The following ZNF236 variants were observed in gnomAD, a reference collection of about 807,000 sequenced individuals.
ZNF236 encodes the protein regulated by glucose.
Under a neutral mutation model 191.2 loss-of-function variants are expected in ZNF236, and 50 were observed. That is an observed-to-expected ratio of 0.26 (90% CI 0.21 to 0.33). The LOEUF (loss-of-function observed/expected upper bound fraction) is 0.33, where lower values mean the gene tolerates loss of function less well. Ranked by LOEUF, ZNF236 falls within the 10% of genes least tolerant of loss-of-function variation. ZNF236 has a pLI of 1.00. For synonymous variants in ZNF236, 907 were observed against 928.8 expected (o/e 0.98, Z 0.43); for missense variants, 1,754 against 2,374.5 (o/e 0.74, Z 5.43).
At chr18:76,840,209 G>T (rs1424245067) in intron 1 of ZNF236, among the ~76,000 whole-genome samples, 1 of 152,128 alleles carries the variant, frequency 6.6e-6, no homozygotes, top group East Asian at 1.9e-4. Flanking sequence ...AAATGAGGGA[G>T]ACCGGCCGGG....
chr18:76,861,907 C>T (rs1976243091), intron 3 of ZNF236, among the ~76,000 whole-genome samples: 1 of 152,170 alleles, frequency 6.6e-6, no homozygotes, highest in Non-Finnish European at 1.5e-5. Flanking sequence ...TCTTGTCGCC[C>T]GGGCTGGAGT....
chr18:76,951,819 G>T lies in ZNF236; in HGVS notation c.4915-4166G>T, dbSNP rs1010063915. Among the ~76,000 whole-genome samples the T allele has an allele frequency of 5.3e-5, 8 of 152,200 alleles. 1 individual carries two copies. The highest frequency in any genetic ancestry group is 1.9e-4 in the African/African-American group (8 of 41,452). ...ATTTCTAGGTTTTGAAGTGAGGGAT[G>T]TGTGACTCTTCGTTTCACTTGAACA... On this transcript the variant is annotated intron_variant, in intron 27 of 30. Coordinates refer to ENST00000320610, the MANE Select transcript of ZNF236 (RefSeq NM_001306089.2).
At chr18:76,845,078 CTAT>C (rs1461250695) in intron 1 of ZNF236, among the ~76,000 whole-genome samples, 1 of 152,130 alleles carries the variant, frequency 6.6e-6, no homozygotes, top group Admixed American at 6.6e-5. Context: ...TGGTAAACAG[CTAT>C]TATTCTATTT....
In ZNF236 at chr18:76,919,262, G is replaced by A. The variant is rs1190644380; in HGVS notation, c.3275-514G>A. Among the ~76,000 whole-genome samples, 4 of 152,246 alleles carry A rather than the reference G, an allele frequency of 2.6e-5. No individual in the cohort carries two copies. The East Asian group carries it at 7.7e-4, about 29-fold the overall frequency. On this transcript the variant is annotated intron_variant, in intron 19 of 30. Transcript: ENST00000320610. This position sits in a 1 kb window ranked among gnomAD's most constrained non-coding sequence, Gnocchi z 5.3. ...AATGTTGGTCATCACTCTCCTAAAG[G>A]ATGCCCTTCACTTGGCTTTTTTTTG...
At position 76,899,006 on chromosome 18, in the gene ZNF236, T is replaced by G; in HGVS notation, c.1691-13T>G. The G allele has an allele frequency of 6.2e-7, 1 of 1,601,406 alleles. No homozygotes were observed. The highest frequency in any genetic ancestry group is 8.5e-7 in the Non-Finnish European group (1 of 1,170,238). On this transcript the variant is annotated splice_polypyrimidine_tract_variant and intron_variant, in intron 10 of 30. Transcript: ENST00000320610. ...CTGGAAATAATTCTAAAATGTGATT[T>G]CATTTTTATTAGGAGTTAGACCTTT...
At chr18:76,941,723 C>T (rs1968137400) in intron 26 of ZNF236, among the ~76,000 whole-genome samples, 1 of 152,146 alleles carries the variant, frequency 6.6e-6, no homozygotes, top group Admixed American at 6.5e-5. Context: ...TAAGTTCATT[C>T]TGTATATTCT....
intron 1 of ZNF236, among the ~76,000 whole-genome samples, chr18:76,825,744 C>T (rs923838303): frequency 2.6e-5 from 4 of 152,050 alleles, no homozygotes; most frequent in South Asian, 4.2e-4. Flanking sequence ...ATATAACTTA[C>T]ATAAACTAGA....
chr18:76,972,502 C>G lies in ZNF236; in HGVS notation c.*4163C>G, dbSNP rs528052991. Among the ~76,000 whole-genome samples the G allele has an allele frequency of 1.3e-5, 2 of 152,212 alleles. No individual in the cohort carries two copies. The highest frequency in any genetic ancestry group is 2.9e-5 in the Non-Finnish European group (2 of 68,018). On this transcript the variant is annotated 3_prime_UTR_variant, in exon 31 of 31. Coordinates refer to ENST00000320610, the MANE Select transcript of ZNF236 (RefSeq NM_001306089.2). ...ACACTCACCCTCCCTACACAGGCAT[C>G]GGGGCAGTTCTTTATATGGATGACT...
At chr18:76,874,995 C>G (rs1350013345) in intron 5 of ZNF236, among the ~76,000 whole-genome samples, 1 of 152,136 alleles carries the variant, frequency 6.6e-6, no homozygotes, top group Admixed American at 6.5e-5. Flanking sequence ...TAAAGAGGGT[C>G]ATTTTGTCTG....
chr18:76,873,808 T>G lies in ZNF236; in HGVS notation c.668-1684T>G, dbSNP rs370853627. ...CTCCTGCCTGCCTGCCCTCCTCTCCTGTCTGCCCTCCTCTCCTGTCCCCAC... is the reference window on the plus strand; with the variant it reads ...CTCCTGCCTGCCTGCCCTCCTCTCCGGTCTGCCCTCCTCTCCTGTCCCCAC... On this transcript the variant is annotated intron_variant, in intron 5 of 30. Transcript: ENST00000320610. Among the ~76,000 whole-genome samples the G allele has an allele frequency of 9.9e-5, 15 of 150,922 alleles. No individual in the cohort carries two copies. In the East Asian group the frequency reaches 3.0e-3, roughly 30 times the overall value.
In ZNF236 at chr18:76,971,160, G is replaced by C. The variant is rs1968903279; in HGVS notation, c.*2821G>C. 6.6e-6 allele frequency among the ~76,000 whole-genome samples: 1 copy of C among 152,242 alleles called. No individual in the cohort carries two copies. The highest frequency in any genetic ancestry group is 1.5e-5 in the Non-Finnish European group (1 of 68,046). ...GGGTGCAGGTACTGAGGAAGCAGGA[G>C]GCATGTAGCATGTGTGGAGTCCCAC... is the stretch of plus-strand genomic sequence containing the variant. On this transcript the variant is annotated 3_prime_UTR_variant, in exon 31 of 31. Transcript: ENST00000320610.
chr18:76,927,901 T>A lies in ZNF236; in HGVS notation c.4415-26T>A. On this transcript the variant is annotated intron_variant, in intron 24 of 30. Coordinates refer to ENST00000320610, the MANE Select transcript of ZNF236 (RefSeq NM_001306089.2). The surrounding 1 kb of genome is among the most constrained non-coding windows in gnomAD (Gnocchi z 5.4). Reference sequence around the variant, plus strand: ...AAATTGGTTATTTTGAATCTCAACTTTGTTTTGCTTTGTAATGACAATCAG... The same window carrying A: ...AAATTGGTTATTTTGAATCTCAACTATGTTTTGCTTTGTAATGACAATCAG... The A allele has an allele frequency of 6.6e-7, 1 of 1,509,702 alleles. No individual in the cohort carries two copies. Among genetic ancestry groups the A allele is most frequent in the Non-Finnish European group, 8.9e-7 (1 of 1,127,232 alleles). 93.5% of individuals were successfully genotyped at this position (1,509,702 alleles called of 1,614,324 possible). A position where few individuals can be genotyped will look rare whatever the true frequency, so the allele number is the denominator to read the frequency against.
chr18:76,941,756 A>T (rs1445435935), intron 26 of ZNF236, among the ~76,000 whole-genome samples: 1 of 152,236 alleles, frequency 6.6e-6, no homozygotes, highest in East Asian at 1.9e-4. Flanking sequence ...AAAAAAAATT[A>T]TCAAATACAA....
At chr18:76,890,399 C>A (rs1176477624) in intron 9 of ZNF236, among the ~76,000 whole-genome samples, 1 of 152,084 alleles carries the variant, frequency 6.6e-6, no homozygotes, top group Non-Finnish European at 1.5e-5. Context: ...CTGTACCGAC[C>A]TTATTGAAAT....
intron 12 of ZNF236, 34 bp from the exon 13 acceptor site, chr18:76,905,121 A>G: frequency 1.3e-6 from 2 of 1,575,456 alleles, no homozygotes; most frequent in South Asian, 2.3e-5. Context: ...AAGTATAAGA[A>G]ACATATTCAT....
chr18:76,861,547 TAA>T (rs1273374442), intron 3 of ZNF236, among the ~76,000 whole-genome samples: 2 of 152,234 alleles, frequency 1.3e-5, no homozygotes, highest in East Asian at 3.8e-4. Flanking sequence ...GGAGCACAAT[TAA>T]AAGTCTTTTC....
chr18:76,911,680 G>A (rs1468458878), intron 16 of ZNF236, among the ~76,000 whole-genome samples: 1 of 151,682 alleles, frequency 6.6e-6, no homozygotes, highest in Non-Finnish European at 1.5e-5. Context: ...GGTCAGTGGA[G>A]CTTATCCTCT....
At position 76,905,235 on chromosome 18, in the gene ZNF236, T is replaced by C; in HGVS notation, c.2117T>C (p.Ile706Thr). 6.2e-7 allele frequency: 1 copy of C among 1,614,238 alleles called. No individual in the cohort carries two copies. Among genetic ancestry groups the C allele is most frequent in the African/African-American group, 1.3e-5 (1 of 75,060 alleles). Reference sequence around the variant, plus strand: ...TCTGCAGGCGTGCTCAAAGCACACATCAGAACACACACAGGACTGAAATCT... The same window carrying C: ...TCTGCAGGCGTGCTCAAAGCACACACCAGAACACACACAGGACTGAAATCT... ...FVSAGVLKAHIRTHTGLKSFK... is the reference protein window; with the variant it reads ...FVSAGVLKAHTRTHTGLKSFK... The change falls in exon 13 of 31, where the codon ATC (isoleucine) becomes ACC (threonine). Residue 706 changes from isoleucine (I) to threonine (T), a missense_variant. Ile to Thr is a moderately conservative substitution (Grantham distance 89). This residue lies in a region of ZNF236 where 641 missense variants were observed against 869.6 expected (regional missense o/e 0.74). Transcript: ENST00000320610.
intron 30 of ZNF236, among the ~76,000 whole-genome samples, chr18:76,961,367 TTGTGTG>T (rs58383689): frequency 0.44 from 64,625 of 146,612 alleles, 14,636 homozygotes; most frequent in East Asian, 0.68. Context: ...TAGTATTCCA[TTGTGTG>T]TGTGTGTGTG....
Sources: gnomAD v4.1 joint callset for allele counts (sites outside exome capture counted in the v4.1 genomes callset) on GRCh38, gnomAD v4.1.1 for gene constraint, gnomAD v4.1.1 regional missense constraint, Gnocchi (gnomAD v3.1) non-coding constraint, MANE v1.5 for transcripts, NCBI Gene and HGNC (gene_info 2026-07-23, HGNC 2026-07-21) for gene names.